DNAJC1: variants seen among roughly 807,000 people sequenced by gnomAD.
The protein encoded by DNAJC1 is DnaJ heat shock protein family (Hsp40) member C1.
In DNAJC1, 58 loss-of-function variants were observed where a neutral mutation model predicts 76.6. The ratio of observed to expected loss-of-function variants is 0.76; its 90% CI spans 0.61 to 0.94. The LOEUF is 0.94. DNAJC1 is among the 40% of genes least tolerant of loss of function. DNAJC1 has a pLI of 0.00. For missense variants in DNAJC1, 689 were observed against 677.3 expected, an observed-to-expected ratio of 1.02 and a Z score of -0.19; for synonymous variants, 258 against 267.9, an observed-to-expected ratio of 0.96 and a Z score of 0.36.
chr10:21,915,722 A>G (rs887728892), intron 6 of DNAJC1, among the ~76,000 whole-genome samples: 4 of 152,148 alleles, frequency 2.6e-5, no homozygotes, highest in Non-Finnish European at 5.9e-5. Context: ...CTAAAAAAGG[A>G]TGAGATATGA....
intron 9 of DNAJC1, among the ~76,000 whole-genome samples, chr10:21,802,850 G>A (rs963911879): frequency 2.6e-5 from 4 of 152,100 alleles, no homozygotes; most frequent in Non-Finnish European, 4.4e-5. Context: ...TTTTACATGC[G>A]AGACAGTTTT....
chr10:21,831,107 G>A (rs1399161863), intron 8 of DNAJC1, among the ~76,000 whole-genome samples: 1 of 152,142 alleles, frequency 6.6e-6, no homozygotes, highest in African/African-American at 2.4e-5. Flanking sequence ...ACTGGGTGGG[G>A]TAGTGGGGGT....
At chr10:21,777,565 T>C (rs1834467835) in intron 9 of DNAJC1, among the ~76,000 whole-genome samples, 1 of 152,198 alleles carries the variant, frequency 6.6e-6, no homozygotes, top group African/African-American at 2.4e-5. Context: ...TATCCTCCTT[T>C]AGCCCAGCAC....
At chr10:21,804,238 G>C (rs1834854448) in intron 9 of DNAJC1, among the ~76,000 whole-genome samples, 1 of 151,896 alleles carries the variant, frequency 6.6e-6, no homozygotes, top group Admixed American at 6.6e-5. Flanking sequence ...TCTGCCTTTA[G>C]CATCAAATGT....
chr10:21,761,432 G>A (rs1005572498), intron 10 of DNAJC1, among the ~76,000 whole-genome samples: 7 of 151,792 alleles, frequency 4.6e-5, no homozygotes, highest in African/African-American at 1.7e-4. Flanking sequence ...GGTGGCACGT[G>A]CCTGTAATTC....
chr10:21,977,878 G>GA (rs1349803312), intron 1 of DNAJC1, among the ~76,000 whole-genome samples: 1 of 151,820 alleles, frequency 6.6e-6, no homozygotes, highest in African/African-American at 2.4e-5. Flanking sequence ...AAAACCTACA[G>GA]AAAAATAATA....
At chr10:21,788,176 G>C (rs183921336) in intron 9 of DNAJC1, among the ~76,000 whole-genome samples, 12 of 152,332 alleles carry the variant, frequency 7.9e-5, no homozygotes, top group Non-Finnish European at 1.5e-5. Context: ...TGACAGAACA[G>C]CTCCATTTAC....
intron 9 of DNAJC1, among the ~76,000 whole-genome samples, chr10:21,777,019 C>T (rs1189787965): frequency 6.6e-6 from 1 of 152,130 alleles, no homozygotes; most frequent in Non-Finnish European, 1.5e-5. Flanking sequence ...TGACTTGCTG[C>T]ATTCTTAACT....
intron 8 of DNAJC1, among the ~76,000 whole-genome samples, chr10:21,818,247 T>C (rs1436215618): frequency 6.6e-6 from 1 of 152,186 alleles, no homozygotes; most frequent in Non-Finnish European, 1.5e-5. Context: ...ATGGTCTAGC[T>C]GTAGGGATGA....
intron 7 of DNAJC1, among the ~76,000 whole-genome samples, chr10:21,890,339 C>T (rs373375452): frequency 2.7e-5 from 4 of 149,102 alleles, no homozygotes; most frequent in South Asian, 2.1e-4. Flanking sequence ...CTTGAACCTG[C>T]GAGGCAGAGG....
chr10:21,833,558 T>C (rs1041212356), intron 8 of DNAJC1, among the ~76,000 whole-genome samples: 4 of 152,206 alleles, frequency 2.6e-5, no homozygotes, highest in African/African-American at 9.6e-5. Flanking sequence ...TGTCATGTAT[T>C]AGCTAAGCAG....
At chr10:21,819,844 C>T (rs1250784097) in intron 8 of DNAJC1, among the ~76,000 whole-genome samples, 2 of 152,110 alleles carry the variant, frequency 1.3e-5, no homozygotes, top group Non-Finnish European at 2.9e-5. Flanking sequence ...GCAAGAGAAT[C>T]GCTTGAGCCC....
chr10:21,761,170 G>C (rs1053378060), intron 10 of DNAJC1, among the ~76,000 whole-genome samples: 11 of 152,046 alleles, frequency 7.2e-5, no homozygotes, highest in African/African-American at 2.7e-4. Context: ...ACAAAGTCTT[G>C]CTCTGTCTCA....
chr10:21,922,473 T>C (rs976806601), intron 3 of DNAJC1, among the ~76,000 whole-genome samples: 3 of 151,994 alleles, frequency 2.0e-5, no homozygotes, highest in Non-Finnish European at 2.9e-5. Flanking sequence ...TTGTGTAATA[T>C]ACAAGAGTCT....
At chr10:21,845,030 C>T (rs529017269) in intron 8 of DNAJC1, among the ~76,000 whole-genome samples, 1 of 152,132 alleles carries the variant, frequency 6.6e-6, no homozygotes, top group Non-Finnish European at 1.5e-5. Flanking sequence ...GAGTATGAGA[C>T]TCTGTCTCAA....
intron 8 of DNAJC1, among the ~76,000 whole-genome samples, chr10:21,807,142 GAATA>G (rs1451105918): frequency 1.3e-5 from 2 of 152,020 alleles, no homozygotes; most frequent in Non-Finnish European, 2.9e-5. Flanking sequence ...TAAAATGAAA[GAATA>G]AAGAAAAAGA....
chr10:21,763,380 T>C (rs1008178016), intron 10 of DNAJC1, among the ~76,000 whole-genome samples: 8 of 152,232 alleles, frequency 5.3e-5, no homozygotes, highest in African/African-American at 1.7e-4. Flanking sequence ...TATGCTGCTA[T>C]TAACATAAGA....
chr10:21,805,860 C>A, intron 9 of DNAJC1, 120 bp downstream of exon 9: 1 of 1,321,116 alleles, frequency 7.6e-7, no homozygotes. Context: ...CTTTCAGGTC[C>A]TAAAAGGATT....
At chr10:21,951,306 C>G in intron 1 of DNAJC1, among the ~76,000 whole-genome samples, 1 of 150,004 alleles carries the variant, frequency 6.7e-6, no homozygotes, top group East Asian at 2.0e-4. Context: ...GGTGACAGAG[C>G]GAGATCCATC....
Sources: allele counts gnomAD v4.1 joint callset (sites outside exome capture counted in the v4.1 genomes callset), GRCh38; gene constraint gnomAD v4.1.1; transcripts MANE v1.5; gene names NCBI Gene and HGNC (gene_info 2026-07-23, HGNC 2026-07-21).